Variants in ZFAND3 observed in about 807,000 individuals in gnomAD.
ZFAND3 encodes AN1-type zinc finger protein 3.
ZFAND3 carries 10 observed loss-of-function variants against 29.6 expected under a neutral mutation model. That is an observed-to-expected ratio of 0.34 (90% CI 0.21 to 0.57). The LOEUF (loss-of-function observed/expected upper bound fraction) is 0.57. Among genes scored for constraint, ZFAND3 ranks in the 20% least tolerant of loss-of-function variants. The pLI, the probability that ZFAND3 is intolerant of heterozygous loss-of-function variation, is 0.86. For missense variants in ZFAND3, 230 were observed against 304.5 expected (o/e 0.76, Z 1.82); for synonymous variants, 128 against 112.6 (o/e 1.14, Z -0.87).
chr6:37,948,595 G>C (rs1467390073), intron 2 of ZFAND3, among the ~76,000 whole-genome samples: 1 of 152,084 alleles, frequency 6.6e-6, no homozygotes, highest in Non-Finnish European at 1.5e-5. Context: ...ATAGTTTTTT[G>C]ATCCTCACCC....
intron 5 of ZFAND3, among the ~76,000 whole-genome samples, chr6:38,136,554 C>A (rs1239053482): frequency 6.6e-6 from 1 of 152,172 alleles, no homozygotes; most frequent in African/African-American, 2.4e-5. Flanking sequence ...GTGTTCCATG[C>A]CGATACTAGA....
chr6:38,056,260 A>G (rs1202436867), intron 2 of ZFAND3, among the ~76,000 whole-genome samples: 2 of 152,222 alleles, frequency 1.3e-5, no homozygotes, highest in African/African-American at 4.8e-5. Context: ...TCACCCATTT[A>G]TATTTGACAA....
At chr6:37,878,043 G>C (rs965627590) in intron 1 of ZFAND3, among the ~76,000 whole-genome samples, 3 of 152,212 alleles carry the variant, frequency 2.0e-5, no homozygotes, top group Admixed American at 1.3e-4. Flanking sequence ...GTTGGTGACA[G>C]CAGTAGTTGG....
At chr6:37,850,002 C>T (rs905182719) in intron 1 of ZFAND3, among the ~76,000 whole-genome samples, 1 of 152,104 alleles carries the variant, frequency 6.6e-6, no homozygotes, top group South Asian at 2.1e-4. Flanking sequence ...GCTGCGGGTA[C>T]CTATAAAATG....
intron 2 of ZFAND3, among the ~76,000 whole-genome samples, chr6:37,970,286 A>G (rs1168043389): frequency 6.6e-6 from 1 of 152,228 alleles, no homozygotes; most frequent in South Asian, 2.1e-4. Flanking sequence ...GAAAATGTGA[A>G]TAGTTGGTAA....
At chr6:37,978,451 G>A (rs945778934) in intron 2 of ZFAND3, among the ~76,000 whole-genome samples, 1 of 152,130 alleles carries the variant, frequency 6.6e-6, no homozygotes, top group African/African-American at 2.4e-5. Flanking sequence ...CATAGAATGA[G>A]TTGGAAAGTA....
chr6:38,081,196 CTG>C (rs1334666995), intron 3 of ZFAND3, among the ~76,000 whole-genome samples: 2 of 150,852 alleles, frequency 1.3e-5, no homozygotes, highest in African/African-American at 4.9e-5. Flanking sequence ...ATCTCCATGA[CTG>C]TGTGGTGACA....
At position 38,048,024 on chromosome 6, in the gene ZFAND3, C is replaced by T. The variant is rs559194500; in HGVS notation, c.113-13569C>T. Among the ~76,000 whole-genome samples, 21 of 143,370 alleles carry T rather than the reference C, an allele frequency of 1.5e-4. 1 individual carries two copies. The highest frequency in any genetic ancestry group is 2.3e-4 in the African/African-American group (9 of 38,484). 94.1% of individuals were successfully genotyped at this position (143,370 alleles called of 152,430 possible). ...GTGTTTGTTTATTTATTTATTTTTG[C>T]GACAGGGTCTCACTCTGTTGTCCAG... is the stretch of plus-strand genomic sequence containing the variant. On this transcript the variant is annotated intron_variant, in intron 2 of 5. Coordinates refer to ENST00000287218, the MANE Select transcript of ZFAND3 (RefSeq NM_021943.3).
At chr6:37,868,870 A>G (rs999903935) in intron 1 of ZFAND3, among the ~76,000 whole-genome samples, 1 of 152,154 alleles carries the variant, frequency 6.6e-6, no homozygotes, top group African/African-American at 2.4e-5. Flanking sequence ...GTTGTTAAAT[A>G]TTCGTCTATT....
intron 1 of ZFAND3, among the ~76,000 whole-genome samples, chr6:37,834,704 T>TTATGTATATATAATGATATATGCTCA (rs1289062172): frequency 6.8e-6 from 1 of 146,458 alleles, no homozygotes; most frequent in East Asian, 1.9e-4. Flanking sequence ...GCATATATCA[T>TTATGTATATATAATGATATATGCTCA]TATGTATATA....
Position 38,096,552 on chromosome 6 carries a change from C to T in ZFAND3, c.361+14095C>T, listed in dbSNP as rs183340700. On this transcript the variant is annotated intron_variant, in intron 4 of 5. Transcript: ENST00000287218. ...GCATCCCTTTTTTCCATTCAAGATG[C>T]GAATACTTGCTAGGTCCCTTAGATC... Among the ~76,000 whole-genome samples the T allele has an allele frequency of 4.1e-4, 62 of 152,300 alleles. No individual in the cohort carries two copies. The South Asian group carries it at 5.8e-3, about 14-fold the overall frequency.
In ZFAND3 at chr6:38,152,954, G is replaced by C. The variant is rs937451645; in HGVS notation, c.*565G>C. 9.1e-6 allele frequency: 9 copies of C among 985,788 alleles called. No homozygotes were observed. The African/African-American group carries it at 1.6e-4, about 17-fold the overall frequency. 61.1% of individuals were successfully genotyped at this position (985,788 alleles called of 1,614,324 possible). ...CTCACTCTCCCACAGAGCTGGAAAT[G>C]GGGGGTGGGGGACAGATTCTTACGG... On this transcript the variant is annotated 3_prime_UTR_variant, in exon 6 of 6. Transcript: ENST00000287218.
chr6:37,883,506 A>G (rs944058608), intron 1 of ZFAND3, among the ~76,000 whole-genome samples: 1 of 116,166 alleles, frequency 8.6e-6, no homozygotes, highest in Non-Finnish European at 1.7e-5. Context: ...GTAGAAATCT[A>G]CCCCATATTT....
intron 2 of ZFAND3, among the ~76,000 whole-genome samples, chr6:37,934,757 T>G (rs925214860): frequency 1.4e-5 from 2 of 141,950 alleles, no homozygotes; most frequent in Non-Finnish European, 3.0e-5. Flanking sequence ...GAGAATCACT[T>G]GAACCCGGTG....
At chr6:37,975,798 A>T (rs1008711605) in intron 2 of ZFAND3, among the ~76,000 whole-genome samples, 31 of 152,158 alleles carry the variant, frequency 2.0e-4, no homozygotes, top group African/African-American at 7.0e-4. Flanking sequence ...ACTTTATAAT[A>T]ATTCTTGAAA....
At chr6:37,967,570 C>G (rs1005268951) in intron 2 of ZFAND3, among the ~76,000 whole-genome samples, 1 of 152,136 alleles carries the variant, frequency 6.6e-6, no homozygotes, top group Non-Finnish European at 1.5e-5. Context: ...TTACATTTAC[C>G]TATATTTTCT....
Position 38,112,798 on chromosome 6 carries a change from C to G in ZFAND3, c.362-3774C>G, listed in dbSNP as rs111803753. Among the ~76,000 whole-genome samples the G allele has an allele frequency of 1.9e-3, 286 of 152,314 alleles. 1 individual carries two copies. The highest frequency in any genetic ancestry group is 0.014 in the Middle Eastern group (4 of 294). On this transcript the variant is annotated intron_variant, in intron 4 of 5. Coordinates refer to ENST00000287218, the MANE Select transcript of ZFAND3 (RefSeq NM_021943.3). ...GTTTCTCTTATTTAAGCAACTCGCC[C>G]TGTGGCACAAAGGTTTCATTAACTA...
chr6:37,921,308 C>G (rs1226928220), intron 1 of ZFAND3, among the ~76,000 whole-genome samples: 2 of 151,750 alleles, frequency 1.3e-5, no homozygotes, highest in South Asian at 2.1e-4. Flanking sequence ...TGATACATGT[C>G]TAGTGTAGAG....
At chr6:37,929,764 T>TG (rs5875603) in intron 1 of ZFAND3, among the ~76,000 whole-genome samples, 195 bp from the exon 2 acceptor site, 3 of 45,370 alleles carry the variant, frequency 6.6e-5, no homozygotes, top group Non-Finnish European at 1.1e-4. Flanking sequence ...TATATTTTTG[T>TG]TTTTTTTTTT....
Sources: allele counts gnomAD v4.1 joint callset (sites outside exome capture counted in the v4.1 genomes callset), GRCh38; gene constraint gnomAD v4.1.1; transcripts MANE v1.5; gene names NCBI Gene and HGNC (gene_info 2026-07-23, HGNC 2026-07-21).